Variants in TENM2 observed in about 807,000 individuals in gnomAD.
TENM2 encodes teneurin-2.
A neutral mutation model predicts 245.2 loss-of-function variants in TENM2; 52 were observed. The observed-to-expected ratio is 0.21, with a 90% CI of 0.17 to 0.27. TENM2 has a LOEUF of 0.27. Ranked by LOEUF, TENM2 falls within the 10% of genes least tolerant of loss-of-function variation. TENM2 has a pLI of 1.00. For synonymous variants in TENM2, 1,363 were observed against 1,438.9 expected, an observed-to-expected ratio of 0.95 and a Z score of 1.19; for missense variants, 3,046 against 3,666.8, an observed-to-expected ratio of 0.83 and a Z score of 4.37.
At chr5:168,152,959 C>A (rs1756787484) in intron 12 of TENM2, among the ~76,000 whole-genome samples, 1 of 152,146 alleles carries the variant, frequency 6.6e-6, no homozygotes, top group Non-Finnish European at 1.5e-5. Context: ...TGGGGTGTGG[C>A]CTGTGGGAAG....
At chr5:167,406,761 A>G (rs142288362) in intron 2 of TENM2, among the ~76,000 whole-genome samples, 1 of 152,222 alleles carries the variant, frequency 6.6e-6, no homozygotes, top group East Asian at 1.9e-4. Context: ...CATTTTCTGC[A>G]TCCTATTGCT....
chr5:167,911,380 A>G (rs1776536414), intron 3 of TENM2, among the ~76,000 whole-genome samples: 1 of 151,974 alleles, frequency 6.6e-6, no homozygotes, highest in South Asian at 2.1e-4. Flanking sequence ...CAAAAAAAAT[A>G]GCTGGGCGTG....
chr5:167,859,386 G>A (rs1181246305), intron 2 of TENM2, among the ~76,000 whole-genome samples: 37 of 145,250 alleles, frequency 2.5e-4, no homozygotes, highest in Admixed American at 1.5e-3. Flanking sequence ...GGTGGGGGGG[G>A]TCAGCCCCCC....
intron 2 of TENM2, among the ~76,000 whole-genome samples, chr5:167,692,239 G>T (rs867079245): frequency 3.3e-5 from 5 of 152,168 alleles, no homozygotes; most frequent in Non-Finnish European, 7.3e-5. Flanking sequence ...CTGGCAAATA[G>T]TATTAGGTCA....
the TENM2 span, among the ~76,000 whole-genome samples, chr5:167,195,004 T>G: frequency 6.6e-6 from 1 of 152,146 alleles, no homozygotes; most frequent in African/African-American, 2.4e-5. Flanking sequence ...TTAACTATTG[T>G]AGAGAATACT....
the TENM2 span, among the ~76,000 whole-genome samples, chr5:167,217,129 T>C: frequency 6.6e-6 from 1 of 152,202 alleles, no homozygotes; most frequent in Non-Finnish European, 1.5e-5. Flanking sequence ...CTTCAAGTGG[T>C]AAAGTCTTTG....
Position 167,941,887 on chromosome 5 carries a change from G to A in TENM2, c.713-10701G>A, listed in dbSNP as rs189388513. Among the ~76,000 whole-genome samples, 680 of 149,696 alleles carry A rather than the reference G, an allele frequency of 4.5e-3. 13 individuals carry two copies. Among genetic ancestry groups the A allele is most frequent in the African/African-American group, 0.016 (633 of 40,660 alleles). On this transcript the variant is annotated intron_variant, in intron 3 of 28. Transcript: ENST00000518659. Reference sequence around the variant, plus strand: ...AACACACACAAAAATCTAAATCACAGGGTCTGTGTCACCCCTCTCTCCAAC... The same window carrying A: ...AACACACACAAAAATCTAAATCACAAGGTCTGTGTCACCCCTCTCTCCAAC...
rs11950521 is a variant in TENM2, at chr5:168,215,340, A to G, written c.4078+68A>G. On this transcript the variant is annotated intron_variant, in intron 21 of 28. Coordinates refer to ENST00000518659, the Ensembl canonical transcript of TENM2. ...TTGCCACCAGCTTGGCTTTCTTCTC[A>G]TCAGAACTTAACTAAGTCCAGCAGT... 1.0e-5 allele frequency: 13 copies of G among 1,288,760 alleles called. No homozygotes were observed. The African/African-American group carries it at 1.8e-4, about 17-fold the overall frequency. The allele number at this position is 1,288,760 out of a possible 1,614,324, so 79.8% of individuals were successfully genotyped here. A position where few individuals can be genotyped will look rare whatever the true frequency, so the allele number is the denominator to read the frequency against.
At chr5:167,217,119 C>G in the TENM2 span, among the ~76,000 whole-genome samples, 1 of 152,084 alleles carries the variant, frequency 6.6e-6, no homozygotes, top group South Asian at 2.1e-4. Context: ...AACTACTGAC[C>G]TTCAAGTGGT....
At chr5:167,409,211 T>G (rs1762784484) in intron 2 of TENM2, among the ~76,000 whole-genome samples, 1 of 151,946 alleles carries the variant, frequency 6.6e-6, no homozygotes, top group African/African-American at 2.4e-5. Flanking sequence ...AATTATAGTT[T>G]TTACAAATAA....
chr5:167,825,772 T>G (rs1488899008), intron 2 of TENM2, among the ~76,000 whole-genome samples: 1 of 152,028 alleles, frequency 6.6e-6, no homozygotes, highest in Non-Finnish European at 1.5e-5. Flanking sequence ...TTAATATTTG[T>G]TGAAGTGACT....
chr5:167,990,954 A>G (rs1783620295), intron 4 of TENM2, among the ~76,000 whole-genome samples: 3 of 152,340 alleles, frequency 2.0e-5, no homozygotes, highest in Non-Finnish European at 4.4e-5. Context: ...GTGGTGTAGT[A>G]GGTCTGATTA....
Position 168,247,600 on chromosome 5 carries a change from A to G in TENM2, c.6661A>G (p.Thr2221Ala). 6.2e-7 allele frequency: 1 copy of G among 1,613,184 alleles called. No individual in the cohort carries two copies. The highest frequency in any genetic ancestry group is 8.5e-7 in the Non-Finnish European group (1 of 1,179,214). The change falls in exon 27 of 29, where the codon ACC becomes GCC. Residue 2221 changes from threonine (T) to alanine (A), a missense_variant. Thr to Ala is a moderately conservative substitution (Grantham distance 58). This residue lies in a region of TENM2 where 2,704 missense variants were observed against 3,331.9 expected (regional missense o/e 0.81). Coordinates refer to ENST00000518659, the Ensembl canonical transcript of TENM2. The surrounding 1 kb of genome is among the most constrained non-coding windows in gnomAD (Gnocchi z 7.8). ...GAGCGTGGCCGTCAATGACCGCCCG[A>G]CCTGGCGCTACAGCTATGACCTTAA... is the stretch of plus-strand genomic sequence containing the variant.
chr5:167,473,959 T>C (rs1395092021), intron 2 of TENM2, among the ~76,000 whole-genome samples: 1 of 152,178 alleles, frequency 6.6e-6, no homozygotes, highest in Non-Finnish European at 1.5e-5. Flanking sequence ...GCATGCTTAC[T>C]GTAAGCAGGT....
chr5:167,096,798 C>T, the TENM2 span, among the ~76,000 whole-genome samples: 1 of 152,294 alleles, frequency 6.6e-6, no homozygotes, highest in Admixed American at 6.5e-5. Flanking sequence ...ATGATACTAA[C>T]AGATAGAGGA....
intron 3 of TENM2, among the ~76,000 whole-genome samples, chr5:167,944,541 C>G (rs1336127826): frequency 1.3e-5 from 2 of 152,008 alleles, no homozygotes; most frequent in Non-Finnish European, 2.9e-5. Context: ...TTGACTGGCT[C>G]TGATGGAGCT....
chr5:167,772,363 A>G (rs929616578), intron 2 of TENM2, among the ~76,000 whole-genome samples: 4 of 152,216 alleles, frequency 2.6e-5, no homozygotes, highest in Admixed American at 2.0e-4. Context: ...ACCTAAAAGC[A>G]TGTCAGTTGG....
At chr5:167,058,989 C>T in the TENM2 span, among the ~76,000 whole-genome samples, 1 of 152,100 alleles carries the variant, frequency 6.6e-6, no homozygotes, top group Non-Finnish European at 1.5e-5. Flanking sequence ...GTTGTTTGAA[C>T]CTAAATGCTT....
At chr5:168,179,834 C>T (rs755841713) in intron 13 of TENM2, among the ~76,000 whole-genome samples, 27 of 152,188 alleles carry the variant, frequency 1.8e-4, no homozygotes, top group Non-Finnish European at 2.9e-4. Context: ...TAAAGGCATG[C>T]GTTTAAAGTA....
Sources: allele counts gnomAD v4.1 joint callset (sites outside exome capture counted in the v4.1 genomes callset), GRCh38; gene constraint gnomAD v4.1.1; regional missense constraint gnomAD v4.1.1; non-coding constraint Gnocchi (gnomAD v3.1); transcripts MANE v1.5; gene names NCBI Gene and HGNC (gene_info 2026-07-23, HGNC 2026-07-21).